TMEM132D: variants seen among roughly 807,000 people sequenced by gnomAD.
The protein encoded by TMEM132D is transmembrane protein 132D, also known as mature OL transmembrane protein.
Under a neutral mutation model 62.3 loss-of-function variants are expected in TMEM132D, and 21 were observed. The ratio of observed to expected loss-of-function variants is 0.34; its 90% CI spans 0.24 to 0.49. The LOEUF is 0.49. TMEM132D is among the 20% of genes least tolerant of loss of function. The pLI, the probability that TMEM132D is intolerant of heterozygous loss-of-function variation, is 0.99. For synonymous variants in TMEM132D, 621 were observed against 575.6 expected (o/e 1.08, Z -1.13); for missense variants, 1,346 against 1,402.8 (o/e 0.96, Z 0.65).
intron 2 of TMEM132D, among the ~76,000 whole-genome samples, chr12:129,688,287 T>A (rs1415486266): frequency 6.6e-6 from 1 of 152,194 alleles, no homozygotes; most frequent in Non-Finnish European, 1.5e-5. Flanking sequence ...AACTACCTAA[T>A]CAGCTTATCT....
chr12:129,222,408 C>T (rs1333216024), intron 4 of TMEM132D, among the ~76,000 whole-genome samples: 1 of 152,216 alleles, frequency 6.6e-6, no homozygotes, highest in Admixed American at 6.5e-5. Flanking sequence ...TTGTTTCCTT[C>T]AGGCAATTGT....
intron 4 of TMEM132D, among the ~76,000 whole-genome samples, chr12:129,295,719 G>A (rs1881558342): frequency 6.6e-6 from 1 of 152,068 alleles, no homozygotes; most frequent in Admixed American, 6.5e-5. Context: ...TAGCAAAGTC[G>A]AGGATGCTCA....
intron 2 of TMEM132D, among the ~76,000 whole-genome samples, chr12:129,561,923 G>A (rs1032986843): frequency 4.6e-5 from 7 of 152,180 alleles, no homozygotes; most frequent in Admixed American, 2.0e-4. Context: ...GACAGTATCC[G>A]TTTGAACTGA....
rs71082709 is a variant in TMEM132D, at chr12:129,420,306, G to GTT, written c.1116-82491_1116-82490dup. ...AATTTCAAATTATTGCACGTTCTCT[G>GTT]TTTTTTTTTTTTTTTTTTTTTTTTG... On this transcript the variant is annotated intron_variant, in intron 3 of 8. Coordinates refer to ENST00000422113, the MANE Select transcript of TMEM132D (RefSeq NM_133448.3). 2.3e-3 allele frequency among the ~76,000 whole-genome samples: 253 copies of GTT among 112,248 alleles called. 12 individuals are homozygous for GTT. The highest frequency in any genetic ancestry group is 4.7e-3 in the Middle Eastern group (1 of 212). The allele number at this position is 112,248 out of a possible 152,430, so 73.6% of individuals were successfully genotyped here.
intron 4 of TMEM132D, among the ~76,000 whole-genome samples, chr12:129,241,625 T>G (rs1879939914): frequency 6.6e-6 from 1 of 152,232 alleles, no homozygotes; most frequent in African/African-American, 2.4e-5. Flanking sequence ...CTTCTCTTAA[T>G]AAGCCAACCT....
chr12:129,098,247 A>C (rs1875177494), intron 5 of TMEM132D, among the ~76,000 whole-genome samples: 1 of 152,214 alleles, frequency 6.6e-6, no homozygotes, highest in African/African-American at 2.4e-5. Context: ...GACCTGCATA[A>C]ATGTGGCCAA....
intron 1 of TMEM132D, among the ~76,000 whole-genome samples, chr12:129,831,876 C>CA (rs1872846098): frequency 7.4e-6 from 1 of 134,898 alleles, no homozygotes; most frequent in South Asian, 2.4e-4. Context: ...CTTTCTTTTT[C>CA]TTTTTTTTTT....
At chr12:129,760,133 C>G (rs1870304626) in intron 1 of TMEM132D, among the ~76,000 whole-genome samples, 1 of 152,014 alleles carries the variant, frequency 6.6e-6, no homozygotes, top group Admixed American at 6.6e-5. Context: ...CCTCGAACTC[C>G]TGGGCTCAAG....
intron 2 of TMEM132D, among the ~76,000 whole-genome samples, chr12:129,547,126 T>C (rs1447840448): frequency 3.3e-5 from 5 of 152,166 alleles, no homozygotes; most frequent in Non-Finnish European, 7.3e-5. Context: ...CCTCTGCTTC[T>C]GGTGGCAACC....
At chr12:129,528,431 CAAAAA>C (rs200147997) in intron 3 of TMEM132D, among the ~76,000 whole-genome samples, 53,176 of 133,232 alleles carry the variant, frequency 0.4, 9,878 homozygotes, top group Middle Eastern at 0.45. Flanking sequence ...ATGCACACAG[CAAAAA>C]AAAAAAAAAA....
intron 4 of TMEM132D, among the ~76,000 whole-genome samples, chr12:129,318,486 T>A (rs1411029969): frequency 6.6e-6 from 1 of 152,162 alleles, no homozygotes; most frequent in Non-Finnish European, 1.5e-5. Context: ...TAGAGTCCTG[T>A]GATGTGATCC....
chr12:129,772,121 TTAATG>T (rs987792895), intron 1 of TMEM132D, among the ~76,000 whole-genome samples: 2 of 151,964 alleles, frequency 1.3e-5, no homozygotes, highest in African/African-American at 4.8e-5. Flanking sequence ...AAAAAAAAAA[TTAATG>T]TATTGTAAAA....
At chr12:129,417,405 A>G (rs1872159556) in intron 3 of TMEM132D, among the ~76,000 whole-genome samples, 1 of 152,174 alleles carries the variant, frequency 6.6e-6, no homozygotes. Context: ...ACACATCTAC[A>G]ACCATCTGAT....
At chr12:129,839,126 T>TTTTTTTTTTTTTC in intron 1 of TMEM132D, among the ~76,000 whole-genome samples, 1 of 107,356 alleles carries the variant, frequency 9.3e-6, no homozygotes, top group Non-Finnish European at 1.9e-5. Context: ...AATTTTTTTT[T>TTTTTTTTTTTTTC]TTTTTTTTTT....
chr12:129,496,313 G>A (rs1874954953), intron 3 of TMEM132D, among the ~76,000 whole-genome samples: 1 of 152,130 alleles, frequency 6.6e-6, no homozygotes, highest in Non-Finnish European at 1.5e-5. Context: ...ACCTTAGTGG[G>A]GAATCTTTAA....
intron 2 of TMEM132D, among the ~76,000 whole-genome samples, chr12:129,565,209 G>A (rs1877336694): frequency 6.6e-6 from 1 of 152,214 alleles, no homozygotes; most frequent in African/African-American, 2.4e-5. Flanking sequence ...CCACACAGGT[G>A]CATCAGCTGA....
In TMEM132D at chr12:129,357,545, AAAG is replaced by A. The variant is rs369348757; in HGVS notation, c.1116-19731_1116-19729del. Among the ~76,000 whole-genome samples the A allele has an allele frequency of 1.8e-3, 274 of 152,068 alleles. 1 individual carries two copies. Among genetic ancestry groups the A allele is most frequent in the African/African-American group, 6.2e-3 (257 of 41,462 alleles). ...AGGAAGGAAAGAAAGGAAAGAAAGA[AAAG>A]AAAGAAAGGAAGAAAGGAAAGAATG... is the stretch of plus-strand genomic sequence containing the variant. On this transcript the variant is annotated intron_variant, in intron 3 of 8. Transcript: ENST00000422113.
chr12:129,238,475 C>CCT (rs1482998945), intron 4 of TMEM132D, among the ~76,000 whole-genome samples: 1 of 152,156 alleles, frequency 6.6e-6, no homozygotes, highest in African/African-American at 2.4e-5. Flanking sequence ...TAAACAACAA[C>CCT]TTCCCTTTAC....
intron 1 of TMEM132D, among the ~76,000 whole-genome samples, chr12:129,763,855 G>A (rs1014601867): frequency 2.8e-4 from 42 of 152,160 alleles, no homozygotes; most frequent in African/African-American, 4.1e-4. Flanking sequence ...CAGGTGGAAC[G>A]TAAGTGCTCA....
Sources: allele counts gnomAD v4.1 joint callset (sites outside exome capture counted in the v4.1 genomes callset), GRCh38; gene constraint gnomAD v4.1.1; transcripts MANE v1.5; gene names NCBI Gene and HGNC (gene_info 2026-07-23, HGNC 2026-07-21).